Variants in CNTN1 observed in about 807,000 individuals in gnomAD.
The protein encoded by CNTN1 is contactin-1.
CNTN1 carries 38 observed loss-of-function variants against 126.4 expected under a neutral mutation model. That is an observed-to-expected ratio of 0.30 (90% CI 0.23 to 0.39). CNTN1 has a LOEUF of 0.39. CNTN1 is among the 10% of genes least tolerant of loss of function. CNTN1 has a pLI of 1.00. For missense variants in CNTN1, 1,009 were observed against 1,248.4 expected (o/e 0.81, Z 2.89); for synonymous variants, 413 against 422.6 (o/e 0.98, Z 0.28).
At chr12:41,000,691 C>A (rs897860281) in intron 17 of CNTN1, among the ~76,000 whole-genome samples, 2 of 151,878 alleles carry the variant, frequency 1.3e-5, no homozygotes, top group African/African-American at 4.8e-5. Flanking sequence ...ATGTAAACTT[C>A]TGTCATGGGG....
chr12:40,701,007 C>T (rs10879028), intron 1 of CNTN1, among the ~76,000 whole-genome samples: 30,678 of 151,924 alleles, frequency 0.2, 3,214 homozygotes, highest in Middle Eastern at 0.28. Flanking sequence ...GAATTCACAC[C>T]CAGATTGTCT....
chr12:40,831,874 T>C (rs1941852922), intron 1 of CNTN1, among the ~76,000 whole-genome samples: 1 of 152,262 alleles, frequency 6.6e-6, no homozygotes, highest in South Asian at 2.1e-4. Flanking sequence ...AGATAAAACA[T>C]AGGAGCACCC....
intron 1 of CNTN1, among the ~76,000 whole-genome samples, chr12:40,751,786 G>C (rs1351790732): frequency 3.3e-5 from 5 of 152,084 alleles, no homozygotes; most frequent in Non-Finnish European, 7.4e-5. Flanking sequence ...TCTCTGCTAA[G>C]TAGCGATAAC....
intron 6 of CNTN1, among the ~76,000 whole-genome samples, chr12:40,924,879 A>AATATATATATATATATATAT: frequency 1.8e-5 from 1 of 54,306 alleles, no homozygotes; most frequent in Non-Finnish European, 3.8e-5. Context: ...TTAGTTTATA[A>AATATATATATATATATATAT]ACATATATAT....
intron 1 of CNTN1, among the ~76,000 whole-genome samples, chr12:40,779,925 T>C (rs1939725916): frequency 6.6e-6 from 1 of 151,936 alleles, no homozygotes. Flanking sequence ...ATGAGGACTC[T>C]TTTACATTGG....
intron 1 of CNTN1, among the ~76,000 whole-genome samples, chr12:40,745,901 G>A: frequency 6.6e-6 from 1 of 152,136 alleles, no homozygotes; most frequent in Non-Finnish European, 1.5e-5. Flanking sequence ...ATGAGACTTT[G>A]TGGTTTGTAG....
intron 1 of CNTN1, among the ~76,000 whole-genome samples, chr12:40,753,755 A>AT (rs1477092952): frequency 2.6e-5 from 4 of 152,030 alleles, no homozygotes; most frequent in East Asian, 1.9e-4. Flanking sequence ...TTTCTGATGC[A>AT]TTTTTTGTAA....
At chr12:40,908,555 A>G in intron 2 of CNTN1, 62 bp downstream of exon 2, 1 of 1,196,560 alleles carries the variant, frequency 8.4e-7, no homozygotes, top group South Asian at 1.3e-5. Flanking sequence ...ATGCGTGTTT[A>G]TTAAATGTAT....
intron 1 of CNTN1, among the ~76,000 whole-genome samples, chr12:40,739,531 A>C (rs1937843988): frequency 6.6e-6 from 1 of 152,096 alleles, no homozygotes; most frequent in African/African-American, 2.4e-5. Flanking sequence ...ACTTATACTA[A>C]ATATTTATTC....
At chr12:41,039,623 A>C (rs1389736191) in intron 23 of CNTN1, among the ~76,000 whole-genome samples, 1 of 152,170 alleles carries the variant, frequency 6.6e-6, no homozygotes, top group Non-Finnish European at 1.5e-5. Context: ...ATCATCTAGC[A>C]AAACTGAGAA....
At position 40,918,695 on chromosome 12, in the gene CNTN1, A is replaced by G. The variant is rs751871720; in HGVS notation, c.151A>G (p.Ile51Val). 2 of 1,613,482 alleles carry G rather than the reference A, an allele frequency of 1.2e-6. No homozygotes were observed. Among genetic ancestry groups the G allele is most frequent in the Non-Finnish European group, 1.7e-6 (2 of 1,179,462 alleles). ...PIFEEQPINT[I>V]YPEESLEGKV... The stretch of plus-strand genomic sequence containing the variant: ...TTTTGAAGAGCAGCCAATCAATACC[A>G]TTTATCCAGAGGAATCACTGGAAGG... Residue 51 changes from isoleucine to valine, a missense_variant, in exon 4 of 24, where the codon ATT (isoleucine) becomes GTT (valine). Physicochemically the swap from Ile to Val is conservative, Grantham distance 29. Coordinates refer to ENST00000551295, the MANE Select transcript of CNTN1 (RefSeq NM_001843.4).
At chr12:40,864,373 C>A (rs887332627) in intron 1 of CNTN1, among the ~76,000 whole-genome samples, 1 of 151,976 alleles carries the variant, frequency 6.6e-6, no homozygotes, top group East Asian at 1.9e-4. Flanking sequence ...ACATACCCTA[C>A]AATTCACCCA....
At chr12:40,859,534 A>G (rs566490384) in intron 1 of CNTN1, among the ~76,000 whole-genome samples, 11 of 140,642 alleles carry the variant, frequency 7.8e-5, no homozygotes, top group East Asian at 4.1e-4. Context: ...GCAATGGAAA[A>G]AAAAACAACG....
chr12:40,943,591 C>T lies in CNTN1; in HGVS notation c.1380-6C>T. The T allele has an allele frequency of 6.4e-7, 1 of 1,551,656 alleles. No homozygotes were observed. Among genetic ancestry groups the T allele is most frequent in the South Asian group, 1.1e-5 (1 of 89,546 alleles). On this transcript the variant is annotated splice_polypyrimidine_tract_variant and splice_region_variant and intron_variant, in intron 12 of 23. Coordinates refer to ENST00000551295, the MANE Select transcript of CNTN1 (RefSeq NM_001843.4). The stretch of plus-strand genomic sequence containing the variant: ...TTGTGAATTATATATATTTTTATTT[C>T]ACTAGAATACTCATTTGGGAAGATG...
chr12:40,923,070 A>G (rs940659073), intron 5 of CNTN1, among the ~76,000 whole-genome samples: 8 of 151,654 alleles, frequency 5.3e-5, no homozygotes, highest in Admixed American at 5.3e-4. Context: ...CTTTTGGGGG[A>G]AGAAAATGTC....
At chr12:40,869,704 T>C (rs1247085700) in intron 1 of CNTN1, among the ~76,000 whole-genome samples, 1 of 152,214 alleles carries the variant, frequency 6.6e-6, no homozygotes, top group African/African-American at 2.4e-5. Context: ...GCAAAATCTA[T>C]AGTGGTTTTT....
chr12:41,016,355 C>A (rs931369837), intron 18 of CNTN1, among the ~76,000 whole-genome samples: 2 of 151,924 alleles, frequency 1.3e-5, no homozygotes, highest in Non-Finnish European at 2.9e-5. Context: ...GAGAAAACGT[C>A]GAGGTGATTT....
At chr12:40,930,463 A>G (rs1432220398) in intron 7 of CNTN1, among the ~76,000 whole-genome samples, 1 of 152,004 alleles carries the variant, frequency 6.6e-6, no homozygotes, top group Non-Finnish European at 1.5e-5. Flanking sequence ...ACAAATAAGT[A>G]AATAAATGGT....
At chr12:41,060,849 CTGAG>C (rs1592480809) in intron 23 of CNTN1, among the ~76,000 whole-genome samples, 1 of 152,290 alleles carries the variant, frequency 6.6e-6, no homozygotes, top group East Asian at 1.9e-4. Context: ...TTATTCCAGA[CTGAG>C]TATGTTCTCA....
Sources: gnomAD v4.1 joint callset for allele counts (sites outside exome capture counted in the v4.1 genomes callset) on GRCh38, gnomAD v4.1.1 for gene constraint, MANE v1.5 for transcripts, NCBI Gene and HGNC (gene_info 2026-07-23, HGNC 2026-07-21) for gene names.